Variants in RNF220 observed in about 807,000 individuals in gnomAD.
RNF220 encodes E3 ubiquitin-protein ligase RNF220.
In RNF220, 7 loss-of-function variants were observed where a neutral mutation model predicts 67.1. The ratio of observed to expected loss-of-function variants is 0.10; its 90% CI spans 0.06 to 0.20. The LOEUF is 0.20. RNF220 is among the 10% of genes least tolerant of loss of function. The pLI, the probability that RNF220 is intolerant of heterozygous loss-of-function variation, is 1.00. For missense variants in RNF220, 565 were observed against 740.3 expected, an observed-to-expected ratio of 0.76 and a Z score of 2.75; for synonymous variants, 270 against 283.2, an observed-to-expected ratio of 0.95 and a Z score of 0.47.
At chr1:44,635,823 C>A in intron 7 of RNF220, 1 of 1,282,988 alleles carries the variant, frequency 7.8e-7, no homozygotes, top group Non-Finnish European at 1.1e-6. Context: ...TTCACTCTCA[C>A]TCATTCCCTC....
At chr1:44,588,696 C>T (rs1354157632) in intron 2 of RNF220, among the ~76,000 whole-genome samples, 2 of 152,178 alleles carry the variant, frequency 1.3e-5, no homozygotes, top group South Asian at 4.1e-4. Flanking sequence ...CCAGCTGGGC[C>T]GACTGCTGGG....
intron 3 of RNF220, among the ~76,000 whole-genome samples, chr1:44,618,857 C>T (rs760000845): frequency 6.6e-6 from 1 of 152,184 alleles, no homozygotes; most frequent in East Asian, 1.9e-4. Context: ...TGACGACAGA[C>T]CAGGTGGAGG....
intron 2 of RNF220, among the ~76,000 whole-genome samples, chr1:44,420,037 A>G (rs1649034645): frequency 6.6e-6 from 1 of 152,166 alleles, no homozygotes; most frequent in African/African-American, 2.4e-5. Flanking sequence ...ATCCTGGCCA[A>G]AGTTGCAAAC....
chr1:44,558,985 T>C (rs149044346), intron 2 of RNF220, among the ~76,000 whole-genome samples: 125 of 152,370 alleles, frequency 8.2e-4, no homozygotes, highest in Middle Eastern at 6.8e-3. Context: ...CAATTGTTTG[T>C]GTAATGTGTT....
At chr1:44,515,753 A>C (rs1213856628) in intron 2 of RNF220, among the ~76,000 whole-genome samples, 2 of 152,196 alleles carry the variant, frequency 1.3e-5, no homozygotes, top group Non-Finnish European at 1.5e-5. Flanking sequence ...AGCTCTGTAG[A>C]TGCTCCAAGA....
rs1425697035 is a variant in RNF220 at position 44,624,894 on chromosome 1, T to A, written c.805-1403T>A. Among the ~76,000 whole-genome samples the A allele has an allele frequency of 1.3e-5, 2 of 152,344 alleles. No homozygotes were observed. Among genetic ancestry groups the A allele is most frequent in the East Asian group, 1.9e-4 (1 of 5,180 alleles). On this transcript the variant is annotated intron_variant, in intron 4 of 14. Transcript: ENST00000361799. This position sits in a 1 kb window ranked among gnomAD's most constrained non-coding sequence, Gnocchi z 4.2. Reference sequence around the variant, plus strand: ...AGCCAGGCAAAAAGTCATGATTTAATGCCGGGATTTTTTTTCAAAACACAT... The same window carrying A: ...AGCCAGGCAAAAAGTCATGATTTAAAGCCGGGATTTTTTTTCAAAACACAT...
intron 6 of RNF220, among the ~76,000 whole-genome samples, chr1:44,633,292 GA>G (rs1336584175): frequency 1.3e-5 from 2 of 152,204 alleles, no homozygotes; most frequent in Non-Finnish European, 2.9e-5. Context: ...TCTGAGAGGT[GA>G]AAGTGGTTTG....
At chr1:44,589,318 G>A (rs1246578147) in intron 2 of RNF220, among the ~76,000 whole-genome samples, 2 of 152,156 alleles carry the variant, frequency 1.3e-5, no homozygotes, top group Non-Finnish European at 2.9e-5. Context: ...GGTATAACAA[G>A]AATATCCACC....
intron 2 of RNF220, among the ~76,000 whole-genome samples, chr1:44,499,605 T>A (rs1216939217): frequency 6.6e-6 from 1 of 152,116 alleles, no homozygotes; most frequent in Non-Finnish European, 1.5e-5. Context: ...CTTGACTTAG[T>A]CCTCAGATTT....
At chr1:44,572,576 T>C (rs1441737826) in intron 2 of RNF220, among the ~76,000 whole-genome samples, 1 of 152,230 alleles carries the variant, frequency 6.6e-6, no homozygotes, top group African/African-American at 2.4e-5. Flanking sequence ...TGAATCTCTC[T>C]CTGTACATTG....
At chr1:44,520,608 C>T (rs149433783) in intron 2 of RNF220, among the ~76,000 whole-genome samples, 1 of 152,380 alleles carries the variant, frequency 6.6e-6, no homozygotes, top group East Asian at 1.9e-4. Flanking sequence ...TCTTGCCCAT[C>T]TTAAAGTAAA....
chr1:44,418,642 CAA>C (rs11353047), intron 2 of RNF220, among the ~76,000 whole-genome samples: 5 of 148,850 alleles, frequency 3.4e-5, no homozygotes, highest in Non-Finnish European at 6.0e-5. Context: ...TGTTTGAAAA[CAA>C]AAAAAAAAAC....
chr1:44,520,122 T>A (rs1372993642), intron 2 of RNF220, among the ~76,000 whole-genome samples: 1,844 of 142,566 alleles, frequency 0.013, 36 homozygotes, highest in African/African-American at 0.045. Context: ...TGTGTGTGTG[T>A]GTGTGTGAGA....
At chr1:44,419,377 G>T (rs1648961426) in intron 2 of RNF220, 2 of 152,178 alleles carry the variant, frequency 1.3e-5, no homozygotes. Flanking sequence ...ACTACATGTT[G>T]AGCCTGGAGA....
chr1:44,606,269 C>A lies in RNF220; in HGVS notation c.626-7896C>A, dbSNP rs1573020902. Among the ~76,000 whole-genome samples, 1 of 152,204 alleles carries A rather than the reference C, an allele frequency of 6.6e-6. No individual in the cohort carries two copies. Among genetic ancestry groups the A allele is most frequent in the Non-Finnish European group, 1.5e-5 (1 of 68,032 alleles). On this transcript the variant is annotated intron_variant, in intron 2 of 14. Transcript: ENST00000361799. The surrounding 1 kb of genome is among the most constrained non-coding windows in gnomAD (Gnocchi z 4.2). ...TTGATGAAATCCAGATGTTTGGAAT[C>A]ATAGTCTTGGGGCCTCGTTCATATT... is the stretch of plus-strand genomic sequence containing the variant.
At chr1:44,602,903 C>T (rs1475616503) in intron 2 of RNF220, among the ~76,000 whole-genome samples, 2 of 151,990 alleles carry the variant, frequency 1.3e-5, no homozygotes, top group Admixed American at 6.6e-5. Flanking sequence ...CTGTCGACAG[C>T]GTGATTGATT....
intron 8 of RNF220, 50 bp from the exon 9 acceptor site, chr1:44,644,648 C>A (rs1644583747): frequency 6.7e-7 from 1 of 1,489,546 alleles, no homozygotes; most frequent in African/African-American, 1.4e-5. Flanking sequence ...GGAGGGGCAC[C>A]CTTGGCCTCG....
At chr1:44,593,618 A>C (rs2148377208) in intron 2 of RNF220, among the ~76,000 whole-genome samples, 1 of 151,972 alleles carries the variant, frequency 6.6e-6, no homozygotes, top group South Asian at 2.1e-4. Context: ...GCTCCTCAGG[A>C]GGCTGAGGTA....
Position 44,632,375 on chromosome 1 carries a change from C to G in RNF220, c.939C>G (p.Thr313=), listed in dbSNP as rs780543778. Residue 313 remains threonine (T), a synonymous_variant, in exon 6 of 15, where the codon ACC becomes ACG. Transcript: ENST00000361799. ...TFLRVRANRQ[T]RLNARIGKMK... ...TGCGAGTACGAGCCAACCGGCAGAC[C>G]CGACTGAATGGTGAGTCCTGCCCGG... 1.2e-6 allele frequency: 2 copies of G among 1,613,704 alleles called. No individual in the cohort carries two copies. Among genetic ancestry groups the G allele is most frequent in the Non-Finnish European group, 1.7e-6 (2 of 1,179,960 alleles).
Sources: allele counts gnomAD v4.1 joint callset (sites outside exome capture counted in the v4.1 genomes callset), GRCh38; gene constraint gnomAD v4.1.1; non-coding constraint Gnocchi (gnomAD v3.1); transcripts MANE v1.5; gene names NCBI Gene and HGNC (gene_info 2026-07-23, HGNC 2026-07-21).